Variants in IPO5 observed in about 807,000 individuals in gnomAD.
The protein encoded by IPO5 is importin 5, also known as importin-5.
IPO5 carries 18 observed loss-of-function variants against 143.3 expected under a neutral mutation model. The observed-to-expected ratio is 0.13, with a 90% CI of 0.09 to 0.19. The LOEUF (loss-of-function observed/expected upper bound fraction) is 0.19, where lower values mean the gene tolerates loss of function less well. Among genes scored for constraint, IPO5 ranks in the 10% least tolerant of loss-of-function variants. IPO5 has a pLI of 1.00. For missense variants in IPO5, 1,013 were observed against 1,336.9 expected (o/e 0.76, Z 3.78); for synonymous variants, 477 against 465.7 (o/e 1.02, Z -0.31).
At chr13:98,009,780 A>G in intron 18 of IPO5, 101 bp from the exon 19 acceptor site, 1 of 879,918 alleles carries the variant, frequency 1.1e-6, no homozygotes, top group Non-Finnish European at 1.7e-6. Context: ...TACTGTGAAC[A>G]TATCAATAAA....
At chr13:97,996,689 A>G (rs1008490284) in intron 11 of IPO5, among the ~76,000 whole-genome samples, 3 of 151,556 alleles carry the variant, frequency 2.0e-5, no homozygotes, top group African/African-American at 7.3e-5. Flanking sequence ...AGCGAGCTCC[A>G]CCTCCCAGGT....
rs1168933227 is a variant in IPO5 at position 98,021,047 on chromosome 13, A to G, written c.3121A>G (p.Ile1041Val). The stretch of plus-strand genomic sequence containing the variant: ...TACCAATCTGCCCAAAATATTTAGT[A>G]TAATTGCGGAAGGAGAAATGCACGA... ...NNTNLPKIFS[I>V]IAEGEMHEAI... The change falls in exon 28 of 29, where the codon ATA (isoleucine) becomes GTA (valine). Residue 1041 changes from isoleucine to valine, a missense_variant. Ile to Val is a conservative substitution (Grantham distance 29). Coordinates refer to ENST00000651721, the MANE Select transcript of IPO5 (RefSeq NM_002271.6). 4 of 1,611,784 alleles carry G rather than the reference A, an allele frequency of 2.5e-6. No homozygotes were observed. Among genetic ancestry groups the G allele is most frequent in the East Asian group, 2.2e-5 (1 of 44,680 alleles).
intron 3 of IPO5, among the ~76,000 whole-genome samples, chr13:97,970,370 C>T (rs1418381504): frequency 6.6e-6 from 1 of 152,058 alleles, no homozygotes. Context: ...CCTGTAATCC[C>T]AGCACTTTGG....
intron 7 of IPO5, among the ~76,000 whole-genome samples, chr13:97,989,511 GAGA>G (rs1278503990): frequency 2.0e-5 from 3 of 152,180 alleles, no homozygotes; most frequent in Non-Finnish European, 4.4e-5. Context: ...TCTTGAAGAG[GAGA>G]AGGAGAATGC....
rs151307443 is a variant in IPO5, at chr13:97,988,394, T to C, written c.365-668T>C. ...ACCAAATACTAGCTTTGCCTACTTT[T>C]TCAACTCTTTAATAGCAATGGTATA... is the stretch of plus-strand genomic sequence containing the variant. On this transcript the variant is annotated intron_variant, in intron 6 of 28. Coordinates refer to ENST00000651721, the MANE Select transcript of IPO5 (RefSeq NM_002271.6). Among the ~76,000 whole-genome samples the C allele has an allele frequency of 2.6e-3, 398 of 152,346 alleles. 1 individual carries two copies. Among genetic ancestry groups the C allele is most frequent in the African/African-American group, 9.0e-3 (373 of 41,580 alleles).
At chr13:97,976,533 C>T (rs1886331943) in intron 3 of IPO5, 160 bp from the exon 4 acceptor site, 1 of 159,150 alleles carries the variant, frequency 6.3e-6, no homozygotes, top group South Asian at 1.9e-4. Flanking sequence ...GCCCCGTCCT[C>T]CCCTTTCCCC....
intron 26 of IPO5, 126 bp from the exon 27 acceptor site, chr13:98,019,455 A>C: frequency 2.8e-6 from 2 of 704,626 alleles, no homozygotes; most frequent in African/African-American, 1.8e-5. Context: ...CAAGAAGACA[A>C]CACTTCCCAT....
rs1482321985 is a variant in IPO5 at position 97,985,631 on chromosome 13, C to T, written c.364+18C>T. On this transcript the variant is annotated intron_variant, in intron 6 of 28. Transcript: ENST00000651721. Reference sequence around the variant, plus strand: ...TTTAATAGGTGTGTATGCAGGTGCACTCATGTTACCAAGAACATGGGTATA... The same window carrying T: ...TTTAATAGGTGTGTATGCAGGTGCATTCATGTTACCAAGAACATGGGTATA... 5.7e-6 allele frequency: 9 copies of T among 1,572,768 alleles called. No homozygotes were observed. Among genetic ancestry groups the T allele is most frequent in the Middle Eastern group, 1.7e-4 (1 of 5,952 alleles).
chr13:97,957,323 G>C (rs1056615247), intron 2 of IPO5, among the ~76,000 whole-genome samples: 6 of 151,784 alleles, frequency 4.0e-5, no homozygotes, highest in African/African-American at 1.5e-4. Context: ...TCAGCCTCCT[G>C]AGTAGCTGGG....
At chr13:97,954,944 C>T (rs1476323487) in intron 2 of IPO5, among the ~76,000 whole-genome samples, 1 of 152,060 alleles carries the variant, frequency 6.6e-6, no homozygotes, top group Admixed American at 6.6e-5. Context: ...ATGAAAAATA[C>T]CGGCCGGGCA....
At chr13:98,017,592 C>G (rs1890211083) in intron 25 of IPO5, among the ~76,000 whole-genome samples, 3 of 152,014 alleles carry the variant, frequency 2.0e-5, no homozygotes, top group Admixed American at 1.3e-4. Flanking sequence ...GCCACTGCGC[C>G]CAGGCCTACG....
At chr13:97,991,471 G>A (rs1384180735) in intron 9 of IPO5, among the ~76,000 whole-genome samples, 1 of 152,208 alleles carries the variant, frequency 6.6e-6, no homozygotes, top group Non-Finnish European at 1.5e-5. Flanking sequence ...TCTGAACAAA[G>A]CAAAGTAGAG....
chr13:97,975,887 C>T, intron 3 of IPO5: 1 of 985,092 alleles, frequency 1.0e-6, no homozygotes, highest in East Asian at 1.1e-4. Flanking sequence ...CTCTTCCGGG[C>T]AAGCCCCAGG....
At chr13:98,011,600 G>A (rs569012690) in intron 20 of IPO5, among the ~76,000 whole-genome samples, 4 of 151,624 alleles carry the variant, frequency 2.6e-5, no homozygotes, top group Admixed American at 6.6e-5. Flanking sequence ...TCCACCTCCT[G>A]GGTTCAAGCG....
At chr13:98,015,205 G>C (rs1358106686) in intron 22 of IPO5, among the ~76,000 whole-genome samples, 1 of 150,680 alleles carries the variant, frequency 6.6e-6, no homozygotes, top group East Asian at 1.9e-4. Flanking sequence ...TGTGTGTACG[G>C]AGTATGGATA....
rs1886259807 is a variant in IPO5 at position 97,976,013 on chromosome 13, G to A, written c.-4-680G>A. On this transcript the variant is annotated intron_variant, in intron 3 of 28. Transcript: ENST00000651721. ...TGAGTAGAAGGTACGTAGGAAGTGG[G>A]TCTAAAGGGACTGCCTTCCTGGGGG... is the stretch of plus-strand genomic sequence containing the variant. The A allele has an allele frequency of 2.4e-5, 23 of 956,518 alleles. No homozygotes were observed. In the South Asian group the frequency reaches 8.7e-4, roughly 36 times the overall value. The allele number at this position is 956,518 out of a possible 1,614,324, so 59.3% of individuals were successfully genotyped here.
At chr13:97,986,731 A>G (rs1359446013) in intron 6 of IPO5, among the ~76,000 whole-genome samples, 3 of 152,236 alleles carry the variant, frequency 2.0e-5, no homozygotes, top group Admixed American at 6.5e-5. Context: ...GCATTTTACT[A>G]AAGGTAAAAA....
intron 11 of IPO5, among the ~76,000 whole-genome samples, chr13:97,993,837 G>T (rs578108323): frequency 6.6e-6 from 1 of 152,158 alleles, no homozygotes; most frequent in Non-Finnish European, 1.5e-5. Flanking sequence ...GGGTAAATAC[G>T]TCACCAGATT....
intron 27 of IPO5, among the ~76,000 whole-genome samples, chr13:98,020,613 T>G (rs1890419949): frequency 6.6e-6 from 1 of 152,246 alleles, no homozygotes; most frequent in Non-Finnish European, 1.5e-5. Flanking sequence ...TAAACTTGCC[T>G]GAGTTTATTT....
Sources: gnomAD v4.1 joint callset for allele counts (sites outside exome capture counted in the v4.1 genomes callset) on GRCh38, gnomAD v4.1.1 for gene constraint, MANE v1.5 for transcripts, NCBI Gene and HGNC (gene_info 2026-07-23, HGNC 2026-07-21) for gene names.